CADPS2: variants seen among roughly 807,000 people sequenced by gnomAD.
CADPS2 encodes the protein calcium-dependent secretion activator 2.
In CADPS2, 93 loss-of-function variants were observed where a neutral mutation model predicts 172.5. That is an observed-to-expected ratio of 0.54 (90% CI 0.46 to 0.64). CADPS2 has a LOEUF of 0.64. CADPS2 is among the 30% of genes least tolerant of loss of function. The pLI, the probability that CADPS2 is intolerant of heterozygous loss-of-function variation, is 0.00. For missense variants in CADPS2, 1,420 were observed against 1,565.9 expected (o/e 0.91, Z 1.57); for synonymous variants, 546 against 555.2 (o/e 0.98, Z 0.23).
At chr7:122,464,011 T>C (rs1181583905) in intron 14 of CADPS2, among the ~76,000 whole-genome samples, 1 of 152,156 alleles carries the variant, frequency 6.6e-6, no homozygotes, top group Non-Finnish European at 1.5e-5. Context: ...GAAGCTATGA[T>C]TTTTCCAGCA....
intron 1 of CADPS2, among the ~76,000 whole-genome samples, chr7:122,775,667 C>T (rs189613991): frequency 4.4e-4 from 67 of 152,298 alleles, no homozygotes; most frequent in Admixed American, 1.2e-3. Flanking sequence ...CCAGAATTAA[C>T]ACTATAAATG....
At position 122,388,729 on chromosome 7, in the gene CADPS2, T is replaced by C. The variant is rs1318297079; in HGVS notation, c.3018A>G (p.Ser1006=). The C allele has an allele frequency of 6.2e-7, 1 of 1,604,170 alleles. No individual in the cohort carries two copies. The highest frequency in any genetic ancestry group is 1.3e-5 in the African/African-American group (1 of 74,820). Reference sequence around the variant, plus strand: ...TCCAAAAAAGGTCTTCTGATGTTGCTGAGCCATTGCTAGAAGAAAAAGGAA... The same window carrying C: ...TCCAAAAAAGGTCTTCTGATGTTGCCGAGCCATTGCTAGAAGAAAAAGGAA... ...MPSLYESTNG[S]ATSEDLFWKL... The change falls in exon 23 of 30, where the codon TCA becomes TCG. Residue 1006 remains serine, a synonymous_variant. Coordinates refer to ENST00000449022, the MANE Select transcript of CADPS2 (RefSeq NM_017954.11).
At position 122,613,676 on chromosome 7, in the gene CADPS2, G is replaced by GT. The variant is rs1270924768; in HGVS notation, c.1223+1504dup. Among the ~76,000 whole-genome samples, 784 of 145,518 alleles carry GT rather than the reference G, an allele frequency of 5.4e-3. 1 individual carries two copies. Among genetic ancestry groups the GT allele is most frequent in the African/African-American group, 8.3e-3 (334 of 40,066 alleles). ...TGGGGGTTGATAGCTAAAGGGTACA[G>GT]TTTTTTTTTTTTCTTGAGATGATGA... On this transcript the variant is annotated intron_variant, in intron 6 of 29. Coordinates refer to ENST00000449022, the MANE Select transcript of CADPS2 (RefSeq NM_017954.11).
intron 14 of CADPS2, among the ~76,000 whole-genome samples, chr7:122,460,010 A>T (rs1365302520): frequency 6.6e-6 from 1 of 152,214 alleles, no homozygotes; most frequent in Non-Finnish European, 1.5e-5. Context: ...GTGATGAATG[A>T]GCAGCAGTCA....
intron 1 of CADPS2, among the ~76,000 whole-genome samples, chr7:122,834,977 G>C (rs1429284166): frequency 1.3e-5 from 2 of 152,206 alleles, no homozygotes; most frequent in Non-Finnish European, 2.9e-5. Context: ...AGAACGGACA[G>C]ACTGCCTCCT....
intron 19 of CADPS2, among the ~76,000 whole-genome samples, chr7:122,410,557 T>C (rs776209131): frequency 8.6e-5 from 13 of 151,738 alleles, no homozygotes; most frequent in Admixed American, 2.6e-4. Context: ...ACTTGAGTGA[T>C]AACGGTCAAA....
At position 122,554,761 on chromosome 7, in the gene CADPS2, CTA is replaced by C. The variant is rs1182499873; in HGVS notation, c.1336-74_1336-73del. The C allele has an allele frequency of 1.2e-5, 16 of 1,298,868 alleles. No homozygotes were observed. In the South Asian group the frequency reaches 1.7e-4, roughly 14 times the overall value. The allele number at this position is 1,298,868 out of a possible 1,614,324, so 80.5% of individuals were successfully genotyped here. On this transcript the variant is annotated intron_variant, in intron 7 of 29. Transcript: ENST00000449022. ...CTATGGGTTGGAACTAAAATATTTT[CTA>C]TGTTTTCCTGTTTGAAAAAATGATG... is the stretch of plus-strand genomic sequence containing the variant.
Position 122,759,045 on chromosome 7 carries a change from C to T in CADPS2, c.340-21977G>A, listed in dbSNP as rs1324831111. ...GGTCCTTAAAGGAAAAATAATGAGC[C>T]AAAAAAATCTTCAGTTTCAGAGCAG... On this transcript the variant is annotated intron_variant, in intron 1 of 29. Coordinates refer to ENST00000449022, the MANE Select transcript of CADPS2 (RefSeq NM_017954.11). Among the ~76,000 whole-genome samples, 3 of 150,826 alleles carry T rather than the reference C, an allele frequency of 2.0e-5. No homozygotes were observed. The East Asian group carries it at 5.8e-4, about 29-fold the overall frequency.
chr7:122,792,079 T>C (rs1795411337), intron 1 of CADPS2, among the ~76,000 whole-genome samples: 1 of 152,184 alleles, frequency 6.6e-6, no homozygotes, highest in Non-Finnish European at 1.5e-5. Flanking sequence ...AATCAAGCCA[T>C]AACCTTGTAC....
intron 8 of CADPS2, among the ~76,000 whole-genome samples, chr7:122,539,818 T>C (rs2062734153): frequency 1.4e-5 from 2 of 146,282 alleles, no homozygotes; most frequent in Non-Finnish European, 3.1e-5. Flanking sequence ...TCTGTCTTTC[T>C]GTCTCTCTCT....
chr7:122,511,128 T>C (rs926347881), intron 9 of CADPS2, among the ~76,000 whole-genome samples: 2 of 152,148 alleles, frequency 1.3e-5, no homozygotes, highest in African/African-American at 2.4e-5. Context: ...ATGAAACATA[T>C]GGGTTTGCCT....
chr7:122,850,838 C>T (rs1203440319), intron 1 of CADPS2, among the ~76,000 whole-genome samples: 2 of 152,190 alleles, frequency 1.3e-5, no homozygotes, highest in Admixed American at 1.3e-4. Flanking sequence ...CTGGCATTGT[C>T]CCTGTGGCTA....
At chr7:122,486,316 T>C (rs1023136726) in intron 11 of CADPS2, among the ~76,000 whole-genome samples, 1 of 152,160 alleles carries the variant, frequency 6.6e-6, no homozygotes, top group Non-Finnish European at 1.5e-5. Context: ...AGAACATTTG[T>C]GATTCTTGGG....
chr7:122,763,144 T>C (rs1463510068), intron 1 of CADPS2, among the ~76,000 whole-genome samples: 1 of 152,026 alleles, frequency 6.6e-6, no homozygotes, highest in Non-Finnish European at 1.5e-5. Flanking sequence ...AGCACACAAA[T>C]AACCAAGTCA....
chr7:122,840,036 T>A (rs1195694933), intron 1 of CADPS2, among the ~76,000 whole-genome samples: 1 of 152,124 alleles, frequency 6.6e-6, no homozygotes, highest in Non-Finnish European at 1.5e-5. Context: ...AACCCAAATG[T>A]CCATCAATGA....
intron 7 of CADPS2, among the ~76,000 whole-genome samples, chr7:122,559,141 CATAGAGGA>C (rs545463842): frequency 8.2e-4 from 125 of 152,236 alleles, no homozygotes; most frequent in Middle Eastern, 3.4e-3. Context: ...TGACAGCTTT[CATAGAGGA>C]ATTACAGTTT....
At chr7:122,403,035 A>G (rs1274841260) in intron 20 of CADPS2, among the ~76,000 whole-genome samples, 2 of 152,230 alleles carry the variant, frequency 1.3e-5, no homozygotes, top group African/African-American at 2.4e-5. Flanking sequence ...GTTTTCCAAA[A>G]GGACAATTTG....
At chr7:122,815,645 G>A (rs185017372) in intron 1 of CADPS2, among the ~76,000 whole-genome samples, 85 of 152,002 alleles carry the variant, frequency 5.6e-4, no homozygotes, top group African/African-American at 2.0e-3. Flanking sequence ...ATATTGCAGC[G>A]AAACGTTAGA....
At chr7:122,806,322 T>C (rs938508760) in intron 1 of CADPS2, among the ~76,000 whole-genome samples, 7 of 152,174 alleles carry the variant, frequency 4.6e-5, no homozygotes, top group Admixed American at 4.6e-4. Flanking sequence ...CTGGTAATAA[T>C]CATAATTTGA....
Sources: allele counts gnomAD v4.1 joint callset (sites outside exome capture counted in the v4.1 genomes callset), GRCh38; gene constraint gnomAD v4.1.1; transcripts MANE v1.5; gene names NCBI Gene and HGNC (gene_info 2026-07-23, HGNC 2026-07-21).